DOCK2: variants seen among roughly 807,000 people sequenced by gnomAD.
The protein encoded by DOCK2 is dedicator of cytokinesis 2, also known as dedicator of cytokinesis protein 2.
Under a neutral mutation model 248.9 loss-of-function variants are expected in DOCK2, and 87 were observed. The observed-to-expected ratio is 0.35, with a 90% CI of 0.29 to 0.42. DOCK2 has a LOEUF of 0.42. Among genes scored for constraint, DOCK2 ranks in the 10% least tolerant of loss-of-function variants. The pLI, the probability that DOCK2 is intolerant of heterozygous loss-of-function variation, is 1.00. For missense variants in DOCK2, 1,747 were observed against 2,300.2 expected, an observed-to-expected ratio of 0.76 and a Z score of 4.92; for synonymous variants, 805 against 821.6, an observed-to-expected ratio of 0.98 and a Z score of 0.35.
At chr5:169,855,775 C>T (rs1351588693) in intron 27 of DOCK2, among the ~76,000 whole-genome samples, 2 of 152,030 alleles carry the variant, frequency 1.3e-5, no homozygotes, top group South Asian at 2.1e-4. Flanking sequence ...TGGAGTTTAA[C>T]GTATGGTGGG....
chr5:170,066,918 T>G (rs1269938397), intron 44 of DOCK2, among the ~76,000 whole-genome samples: 1 of 152,226 alleles, frequency 6.6e-6, no homozygotes, highest in Non-Finnish European at 1.5e-5. Flanking sequence ...TGCCGACCTC[T>G]ACTTTAGGTT....
At chr5:169,672,707 C>T (rs1010700637) in intron 5 of DOCK2, among the ~76,000 whole-genome samples, 1 of 152,164 alleles carries the variant, frequency 6.6e-6, no homozygotes, top group Non-Finnish European at 1.5e-5. Context: ...AGTCGCAAGT[C>T]CTGGGTTCCC....
intron 27 of DOCK2, among the ~76,000 whole-genome samples, chr5:169,972,788 G>C (rs1777571597): frequency 2.6e-5 from 4 of 152,170 alleles, no homozygotes. Flanking sequence ...TAGGAAGCGG[G>C]AAAAATGTTC....
chr5:169,780,597 A>G (rs894025476), intron 25 of DOCK2, among the ~76,000 whole-genome samples: 2 of 152,188 alleles, frequency 1.3e-5, no homozygotes, highest in African/African-American at 4.8e-5. Flanking sequence ...CCTTGTGCTT[A>G]CGTAACACCA....
intron 22 of DOCK2, among the ~76,000 whole-genome samples, chr5:169,723,496 A>G (rs1307164652): frequency 1.3e-5 from 2 of 152,156 alleles, no homozygotes; most frequent in African/African-American, 4.8e-5. Flanking sequence ...GCCAGTATAC[A>G]TGGTTATTCA....
intron 27 of DOCK2, among the ~76,000 whole-genome samples, chr5:169,899,531 C>T (rs1419686676): frequency 6.6e-6 from 1 of 152,104 alleles, no homozygotes; most frequent in African/African-American, 2.4e-5. Flanking sequence ...GATAGAAGGG[C>T]CAAAAGATCA....
chr5:169,882,731 G>T (rs867052187), intron 27 of DOCK2: 3 of 1,551,874 alleles, frequency 1.9e-6, no homozygotes, highest in Non-Finnish European at 2.6e-6. Flanking sequence ...TTGCTCTGAA[G>T]TTTGGTCTCA....
chr5:169,783,658 T>C (rs895900623), intron 25 of DOCK2, among the ~76,000 whole-genome samples: 3 of 152,140 alleles, frequency 2.0e-5, no homozygotes, highest in African/African-American at 4.8e-5. Context: ...GTTGCTTAAA[T>C]TGACTTTTTA....
At chr5:169,800,878 G>A (rs1581207703) in intron 25 of DOCK2, among the ~76,000 whole-genome samples, 1 of 151,732 alleles carries the variant, frequency 6.6e-6, no homozygotes, top group East Asian at 1.9e-4. Context: ...GGCACTTCTG[G>A]GATGAAAGCG....
chr5:169,855,511 A>G (rs958437571), intron 27 of DOCK2, among the ~76,000 whole-genome samples: 1 of 152,184 alleles, frequency 6.6e-6, no homozygotes, highest in South Asian at 2.1e-4. Context: ...AGGAATTTTT[A>G]TGCTCTAGGA....
chr5:169,948,078 G>T (rs931001938), intron 27 of DOCK2, among the ~76,000 whole-genome samples: 1 of 152,200 alleles, frequency 6.6e-6, no homozygotes, highest in African/African-American at 2.4e-5. Flanking sequence ...GGCACCGAGA[G>T]AAGAGCCAGG....
chr5:169,702,001 C>T (rs1330581675), intron 13 of DOCK2: 4 of 283,004 alleles, frequency 1.4e-5, no homozygotes. Flanking sequence ...CCTTTGCCTT[C>T]CCAGAAGGTG....
intron 23 of DOCK2, among the ~76,000 whole-genome samples, chr5:169,753,431 T>C (rs1780913447): frequency 6.6e-6 from 1 of 151,364 alleles, no homozygotes; most frequent in African/African-American, 2.4e-5. Context: ...CTCCCACTTA[T>C]GAGCGAGAAC....
chr5:170,022,455 G>T (rs56833879), intron 33 of DOCK2, among the ~76,000 whole-genome samples: 24,537 of 151,750 alleles, frequency 0.16, 2,649 homozygotes, highest in African/African-American at 0.29. Context: ...ACAGCTGATG[G>T]GTTTGACTGA....
At chr5:169,824,347 G>T (rs1380434774) in intron 26 of DOCK2, among the ~76,000 whole-genome samples, 1 of 152,174 alleles carries the variant, frequency 6.6e-6, no homozygotes, top group Non-Finnish European at 1.5e-5. Flanking sequence ...AAAGCTGGAG[G>T]CATCATGCTA....
chr5:169,884,488 C>T (rs1338494606), intron 27 of DOCK2: 1 of 152,230 alleles, frequency 6.6e-6, no homozygotes, highest in East Asian at 1.9e-4. Flanking sequence ...ATACATGATG[C>T]TCCCAAGGGA....
At chr5:169,998,808 A>C (rs1443716694) in intron 30 of DOCK2, among the ~76,000 whole-genome samples, 2 of 152,200 alleles carry the variant, frequency 1.3e-5, no homozygotes, top group African/African-American at 2.4e-5. Flanking sequence ...TTCTCCTGGC[A>C]TTATAAATCT....
At chr5:169,766,945 G>C (rs1022113802) in intron 25 of DOCK2, among the ~76,000 whole-genome samples, 1 of 152,004 alleles carries the variant, frequency 6.6e-6, no homozygotes, top group Non-Finnish European at 1.5e-5. Flanking sequence ...TAGTAGAGAC[G>C]GGGTTTCACC....
chr5:169,914,477 G>A (rs1031063161), intron 27 of DOCK2, among the ~76,000 whole-genome samples: 2 of 152,102 alleles, frequency 1.3e-5, no homozygotes, highest in Non-Finnish European at 2.9e-5. Context: ...TTGGGTGGAG[G>A]GATTGATTAT....
Sources: allele counts gnomAD v4.1 joint callset (sites outside exome capture counted in the v4.1 genomes callset), GRCh38; gene constraint gnomAD v4.1.1; transcripts MANE v1.5; gene names NCBI Gene and HGNC (gene_info 2026-07-23, HGNC 2026-07-21).